The following SPAG16 variants were observed in gnomAD, a reference collection of about 807,000 sequenced individuals.
The protein encoded by SPAG16 is sperm associated antigen 16.
Under a neutral mutation model 80.4 loss-of-function variants are expected in SPAG16, and 86 were observed. That is an observed-to-expected ratio of 1.07 (90% CI 0.90 to 1.28). The LOEUF (loss-of-function observed/expected upper bound fraction) is 1.28, where lower values mean the gene tolerates loss of function less well. Ranked by LOEUF, SPAG16 falls within the 50% of genes most tolerant of loss-of-function variation. The pLI, the probability that SPAG16 is intolerant of heterozygous loss-of-function variation, is 0.00. For missense variants in SPAG16, 870 were observed against 765.3 expected, an observed-to-expected ratio of 1.14 and a Z score of -1.61; for synonymous variants, 294 against 265.9, an observed-to-expected ratio of 1.11 and a Z score of -1.03.
At chr2:213,740,869 A>G (rs2067518314) in intron 10 of SPAG16, among the ~76,000 whole-genome samples, 1 of 152,172 alleles carries the variant, frequency 6.6e-6, no homozygotes. Flanking sequence ...CAGCATTCTA[A>G]CCATCCCCAT....
At chr2:213,594,604 A>G (rs568501428) in intron 10 of SPAG16, among the ~76,000 whole-genome samples, 1 of 152,102 alleles carries the variant, frequency 6.6e-6, no homozygotes, top group East Asian at 1.9e-4. Flanking sequence ...AAAATTTCCC[A>G]TTTCTCTTTG....
At chr2:213,958,846 G>T (rs2044276022) in intron 12 of SPAG16, among the ~76,000 whole-genome samples, 1 of 147,722 alleles carries the variant, frequency 6.8e-6, no homozygotes. Flanking sequence ...TACCAGTAAT[G>T]AAATCTTTAT....
intron 10 of SPAG16, among the ~76,000 whole-genome samples, chr2:213,551,053 TA>T (rs879369739): frequency 3.3e-4 from 50 of 152,170 alleles, no homozygotes; most frequent in Admixed American, 3.9e-4. Flanking sequence ...CTAACCGTAA[TA>T]GTCAGAGATT....
intron 14 of SPAG16, among the ~76,000 whole-genome samples, chr2:214,110,947 G>T (rs1460214336): frequency 6.6e-6 from 1 of 152,064 alleles, no homozygotes. Context: ...AGAAGTGTCT[G>T]TTCATGTCCT....
chr2:213,613,709 A>AT (rs148707215), intron 10 of SPAG16, among the ~76,000 whole-genome samples: 10,375 of 151,898 alleles, frequency 0.068, 555 homozygotes, highest in South Asian at 0.12. Context: ...TCTAGAATGC[A>AT]TTTTTTTCTG....
At chr2:213,408,038 A>G (rs954545184) in intron 9 of SPAG16, among the ~76,000 whole-genome samples, 2 of 150,434 alleles carry the variant, frequency 1.3e-5, no homozygotes, top group Admixed American at 1.3e-4. Flanking sequence ...GGAGAGAGGC[A>G]GAGAGAGACA....
intron 10 of SPAG16, among the ~76,000 whole-genome samples, chr2:213,784,624 T>C (rs1397843407): frequency 8.3e-6 from 1 of 119,852 alleles, no homozygotes; most frequent in African/African-American, 2.9e-5. Flanking sequence ...AGCAATTATT[T>C]CTAAAAAAAA....
intron 15 of SPAG16, among the ~76,000 whole-genome samples, chr2:214,295,479 T>G (rs1035514197): frequency 6.6e-6 from 1 of 152,034 alleles, no homozygotes; most frequent in Non-Finnish European, 1.5e-5. Context: ...CTCCCTAAGC[T>G]CTCCTTAATT....
At chr2:214,338,316 C>G (rs1354369617) in intron 15 of SPAG16, among the ~76,000 whole-genome samples, 1 of 152,032 alleles carries the variant, frequency 6.6e-6, no homozygotes, top group East Asian at 1.9e-4. Context: ...GGGTTCAAGA[C>G]CAGCCTGGCC....
intron 9 of SPAG16, among the ~76,000 whole-genome samples, chr2:213,439,174 T>A (rs1264685411): frequency 6.6e-6 from 1 of 152,164 alleles, no homozygotes; most frequent in African/African-American, 2.4e-5. Flanking sequence ...GATGATAAAT[T>A]TGTGTTATTT....
rs187984730 is a variant in SPAG16, at chr2:213,867,855, T to C, written c.1214+5227T>C. On this transcript the variant is annotated intron_variant, in intron 11 of 15. Transcript: ENST00000331683. ...AGGAGAATGGCATGAACCTGGGAGG[T>C]GGAGCGTGCAGTGAGCTGAGATCGC... 5.7e-3 allele frequency among the ~76,000 whole-genome samples: 737 copies of C among 128,326 alleles called. 11 individuals carry two copies. Among genetic ancestry groups the C allele is most frequent in the East Asian group, 0.049 (201 of 4,136 alleles). 84.2% of individuals were successfully genotyped at this position (128,326 alleles called of 152,430 possible).
At chr2:214,059,049 A>G (rs568282975) in intron 13 of SPAG16, among the ~76,000 whole-genome samples, 1 of 151,706 alleles carries the variant, frequency 6.6e-6, no homozygotes, top group South Asian at 2.1e-4. Context: ...CAATGGTTTT[A>G]CCTTTCAAAA....
intron 7 of SPAG16, among the ~76,000 whole-genome samples, chr2:213,358,147 C>T (rs1419192162): frequency 6.6e-6 from 1 of 152,116 alleles, no homozygotes. Context: ...GATGAGCTTC[C>T]CCTTTTATGT....
At chr2:213,588,031 C>CT (rs769753473) in intron 10 of SPAG16, among the ~76,000 whole-genome samples, 11 of 152,172 alleles carry the variant, frequency 7.2e-5, no homozygotes, top group Non-Finnish European at 1.0e-4. Context: ...TACTATTTCA[C>CT]TAATTATACT....
At chr2:213,815,462 TCA>T (rs1042348595) in intron 10 of SPAG16, among the ~76,000 whole-genome samples, 1 of 152,204 alleles carries the variant, frequency 6.6e-6, no homozygotes, top group Non-Finnish European at 1.5e-5. Context: ...TGAATTTTGT[TCA>T]GGTAAATTAC....
intron 12 of SPAG16, among the ~76,000 whole-genome samples, chr2:213,984,885 T>C (rs1255363067): frequency 1.3e-5 from 2 of 152,118 alleles, no homozygotes; most frequent in African/African-American, 2.4e-5. Flanking sequence ...CACAGATATC[T>C]ACATGGCTTA....
chr2:213,848,682 A>G (rs1048225271), intron 10 of SPAG16, among the ~76,000 whole-genome samples: 1 of 152,084 alleles, frequency 6.6e-6, no homozygotes, highest in African/African-American at 2.4e-5. Flanking sequence ...GCCAGTTTAT[A>G]CCCCTGTTCC....
intron 10 of SPAG16, among the ~76,000 whole-genome samples, chr2:213,534,783 C>T (rs2125895983): frequency 6.6e-6 from 1 of 152,164 alleles, no homozygotes; most frequent in South Asian, 2.1e-4. Context: ...TCAACAAACG[C>T]TACTATTATG....
chr2:214,247,982 C>G (rs1269179861), intron 15 of SPAG16, among the ~76,000 whole-genome samples: 1 of 151,884 alleles, frequency 6.6e-6, no homozygotes, highest in African/African-American at 2.4e-5. Flanking sequence ...GTGCCATGAT[C>G]ACACTATTAC....
Sources: allele counts gnomAD v4.1 joint callset (sites outside exome capture counted in the v4.1 genomes callset), GRCh38; gene constraint gnomAD v4.1.1; transcripts MANE v1.5; gene names NCBI Gene and HGNC (gene_info 2026-07-23, HGNC 2026-07-21).